Variants in GCN1 observed in about 807,000 individuals in gnomAD.
GCN1 encodes stalled ribosome sensor GCN1.
A neutral mutation model predicts 288.4 loss-of-function variants in GCN1; 90 were observed. The ratio of observed to expected loss-of-function variants is 0.31; its 90% CI spans 0.26 to 0.37. The LOEUF is 0.37. Among genes scored for constraint, GCN1 ranks in the 10% least tolerant of loss-of-function variants. GCN1 has a pLI of 1.00. For missense variants in GCN1, 2,586 were observed against 3,419.9 expected (o/e 0.76, Z 6.08); for synonymous variants, 1,386 against 1,420.2 (o/e 0.98, Z 0.54).
intron 15 of GCN1, among the ~76,000 whole-genome samples, chr12:120,169,899 G>A (rs879056687): frequency 2.0e-5 from 3 of 152,206 alleles, no homozygotes; most frequent in African/African-American, 7.2e-5. Context: ...GAAACAAACA[G>A]TCCCAATACT....
intron 1 of GCN1, among the ~76,000 whole-genome samples, chr12:120,194,321 G>C (rs1273981029): frequency 6.6e-6 from 1 of 152,274 alleles, no homozygotes; most frequent in East Asian, 1.9e-4. Context: ...TGAATACAAA[G>C]TTTAAGGAAG....
At chr12:120,175,367 C>G (rs1321017308) in intron 11 of GCN1, among the ~76,000 whole-genome samples, 155 bp from the exon 12 acceptor site, 1 of 152,146 alleles carries the variant, frequency 6.6e-6, no homozygotes, top group Non-Finnish European at 1.5e-5. Context: ...TTTTACTAGC[C>G]TTTTGCTTTC....
At chr12:120,186,374 C>CA (rs1018649165) in intron 2 of GCN1, among the ~76,000 whole-genome samples, 92 of 130,836 alleles carry the variant, frequency 7.0e-4, no homozygotes, top group East Asian at 1.1e-3. Context: ...GACTCCATCT[C>CA]AAAAAAAAAA....
intron 42 of GCN1, among the ~76,000 whole-genome samples, chr12:120,143,443 G>A (rs919389853): frequency 1.3e-4 from 20 of 152,136 alleles, no homozygotes; most frequent in African/African-American, 4.1e-4. Context: ...TTAGCCAGGC[G>A]TGCTGGCAGG....
chr12:120,161,799 G>T, intron 21 of GCN1, 81 bp downstream of exon 21: 2 of 1,353,490 alleles, frequency 1.5e-6, no homozygotes, highest in Non-Finnish European at 1.0e-6. Flanking sequence ...TCAACTCACA[G>T]GAGGCACTGG....
chr12:120,129,480 T>C lies in GCN1; in HGVS notation c.7686A>G (p.Pro2562=). ...SSLFVKCLQN[P]SSDIRLVAEK... is the part of the protein sequence containing the mutation. Reference sequence around the variant, plus strand: ...CAGCCACCAGCCTGATGTCGCTGGATGGGTTCTGCAGACACTGTAAAAAGA... The same window carrying C: ...CAGCCACCAGCCTGATGTCGCTGGACGGGTTCTGCAGACACTGTAAAAAGA... Residue 2562 remains proline (P), a synonymous_variant, in exon 57 of 58, where the codon CCA becomes CCG. Coordinates refer to ENST00000300648, the MANE Select transcript of GCN1 (RefSeq NM_006836.2). 1 of 1,613,340 alleles carries C rather than the reference T, an allele frequency of 6.2e-7. No homozygotes were observed. Among genetic ancestry groups the C allele is most frequent in the Middle Eastern group, 1.7e-4 (1 of 6,058 alleles).
chr12:120,136,844 T>C (rs1027859815), intron 50 of GCN1, 112 bp from the exon 51 acceptor site: 24 of 737,746 alleles, frequency 3.3e-5, no homozygotes, highest in Non-Finnish European at 5.3e-5. Flanking sequence ...CCATGGGAGA[T>C]ATTGATTTGG....
chr12:120,158,264 T>A lies in GCN1; in HGVS notation c.2905+196A>T, dbSNP rs1877816027. Among the ~76,000 whole-genome samples, 1 of 152,164 alleles carries A rather than the reference T, an allele frequency of 6.6e-6. No homozygotes were observed. Reference sequence around the variant, plus strand: ...CAGGATGTGAGAGTTAAAACAGAGATGGGGACACCAGTGACAAAAAGTAAA... The same window carrying A: ...CAGGATGTGAGAGTTAAAACAGAGAAGGGGACACCAGTGACAAAAAGTAAA... On this transcript the variant is annotated intron_variant, in intron 25 of 57. Coordinates refer to ENST00000300648, the MANE Select transcript of GCN1 (RefSeq NM_006836.2). The surrounding 1 kb of genome is among the most constrained non-coding windows in gnomAD (Gnocchi z 4.3).
At chr12:120,132,047 G>A (rs748012373) in intron 53 of GCN1, 25 bp from the exon 54 acceptor site, 2 of 1,452,818 alleles carry the variant, frequency 1.4e-6, no homozygotes, top group Non-Finnish European at 9.5e-7. Context: ...AAGGGAGTGA[G>A]GGGGTGCAGG....
intron 15 of GCN1, 178 bp from the exon 16 acceptor site, chr12:120,168,478 G>A (rs896023976): frequency 1.1e-5 from 6 of 554,864 alleles, no homozygotes; most frequent in South Asian, 2.1e-5. Context: ...CCTCCTGTAC[G>A]AAACTCTTCG....
chr12:120,142,519 T>C lies in GCN1; in HGVS notation c.5817A>G (p.Ala1939=), dbSNP rs7300790. The C allele has an allele frequency of 4.6e-3, 7,441 of 1,613,618 alleles. 250 individuals carry two copies. In the African/African-American group the frequency reaches 0.081, roughly 18 times the overall value. Residue 1939 remains alanine, a synonymous_variant, in exon 44 of 58, where the codon GCA becomes GCG. Transcript: ENST00000300648. The surrounding 1 kb of genome is among the most constrained non-coding windows in gnomAD (Gnocchi z 4.9). ...LLLGFLASTC[A]DKRTIAARTL... ...CCAGGAAACTCACCGTTCTCTTATC[T>C]GCACACGTGCTGGCCAGGAAACCCA...
chr12:120,155,010 G>A lies in GCN1; in HGVS notation c.3661C>T (p.Arg1221Ter), dbSNP rs1877693985. ...RPPPVLDALG[R>*]VISESPPDQW... ...TCTGGAGGAGATTCTGAAATAACTC[G>A]TCCCAAAGCATCCAGCACTGGGGGC... Residue 1221 changes from arginine to a stop codon, truncating the protein, a stop_gained, in exon 31 of 58, where the codon CGA becomes TGA. Coordinates refer to ENST00000300648, the MANE Select transcript of GCN1 (RefSeq NM_006836.2). LOFTEE classifies it high-confidence loss of function. This position sits in a 1 kb window ranked among gnomAD's most constrained non-coding sequence, Gnocchi z 4.9. The A allele has an allele frequency of 6.2e-7, 1 of 1,613,724 alleles. No individual in the cohort carries two copies. Among genetic ancestry groups the A allele is most frequent in the African/African-American group, 1.3e-5 (1 of 74,904 alleles).
intron 1 of GCN1, among the ~76,000 whole-genome samples, chr12:120,193,596 G>A (rs1879077715): frequency 6.6e-6 from 1 of 152,222 alleles, no homozygotes; most frequent in Non-Finnish European, 1.5e-5. Flanking sequence ...GAGCCACCAC[G>A]CCCAGCCAAA....
chr12:120,156,948 C>G lies in GCN1; in HGVS notation c.3132G>C (p.Leu1044=). The G allele has an allele frequency of 1.2e-6, 2 of 1,613,506 alleles. No homozygotes were observed. Among genetic ancestry groups the G allele is most frequent in the South Asian group, 1.1e-5 (1 of 91,048 alleles). ...LLPRVAMLRL[L]TWVIGTGSPR... is the part of the protein sequence containing the mutation. ...GCGAGCCCGTCCCGATCACCCAAGT[C>G]AGAAGACGCAGCATGGCCACGCGAG... The change falls in exon 27 of 58, where the codon CTG becomes CTC. Residue 1044 remains leucine, a synonymous_variant. Transcript: ENST00000300648. The surrounding 1 kb of genome is among the most constrained non-coding windows in gnomAD (Gnocchi z 5.8).
rs1040673742 is a variant in GCN1 at position 120,134,842 on chromosome 12, T to A, written c.7009-116A>T. On this transcript the variant is annotated intron_variant, in intron 51 of 57. Coordinates refer to ENST00000300648, the MANE Select transcript of GCN1 (RefSeq NM_006836.2). This position sits in a 1 kb window ranked among gnomAD's most constrained non-coding sequence, Gnocchi z 5.0. Reference sequence around the variant, plus strand: ...ACCACCACAGCGAGTCCAGCTCTCATACAGGGCTGGGGACAGATAGCCCGT... The same window carrying A: ...ACCACCACAGCGAGTCCAGCTCTCAAACAGGGCTGGGGACAGATAGCCCGT... The A allele has an allele frequency of 5.8e-6, 5 of 868,134 alleles. No individual in the cohort carries two copies. Among genetic ancestry groups the A allele is most frequent in the Non-Finnish European group, 9.3e-6 (5 of 540,162 alleles). The allele number at this position is 868,134 out of a possible 1,614,324, so 53.8% of individuals were successfully genotyped here.
At position 120,158,118 on chromosome 12, in the gene GCN1, G is replaced by C; in HGVS notation, c.2906-88C>G. 1.5e-6 allele frequency: 2 copies of C among 1,339,154 alleles called. No homozygotes were observed. Among genetic ancestry groups the C allele is most frequent in the Non-Finnish European group, 2.1e-6 (2 of 957,544 alleles). 83.0% of individuals were successfully genotyped at this position (1,339,154 alleles called of 1,614,324 possible). On this transcript the variant is annotated intron_variant, in intron 25 of 57. Transcript: ENST00000300648. The surrounding 1 kb of genome is among the most constrained non-coding windows in gnomAD (Gnocchi z 4.3). ...TATTTCTATCCTCAGGGAAAGTAGGGAACGGATGGACCAGAGGCCCGTTCT... is the reference window on the plus strand; with the variant it reads ...TATTTCTATCCTCAGGGAAAGTAGGCAACGGATGGACCAGAGGCCCGTTCT...
intron 44 of GCN1, among the ~76,000 whole-genome samples, chr12:120,141,876 CCA>C: frequency 6.6e-6 from 1 of 152,260 alleles, no homozygotes; most frequent in South Asian, 2.1e-4. Flanking sequence ...GCAGCACTGG[CCA>C]CAGTCGCATT....
chr12:120,183,476 A>C (rs1878728993), intron 5 of GCN1, 93 bp downstream of exon 5: 1 of 824,670 alleles, frequency 1.2e-6, no homozygotes, highest in Non-Finnish European at 2.1e-6. Context: ...CCCAGCACCC[A>C]GAAAAGCACT....
chr12:120,153,260 G>A lies in GCN1; in HGVS notation c.4015C>T (p.Pro1339Ser). The change falls in exon 33 of 58, where the codon CCC becomes TCC. Residue 1339 changes from proline (P) to serine (S), a missense_variant. Pro to Ser is a moderately conservative substitution (Grantham distance 74). Coordinates refer to ENST00000300648, the MANE Select transcript of GCN1 (RefSeq NM_006836.2). The surrounding 1 kb of genome is among the most constrained non-coding windows in gnomAD (Gnocchi z 4.4). ...HLDKSDPKVK[P>S]IVAKLIAALS... The stretch of plus-strand genomic sequence containing the variant: ...GCAGCGATGAGCTTGGCAACAATGG[G>A]CTTCACTTTGGGGTCACTCTTGTCC... The A allele has an allele frequency of 1.2e-6, 2 of 1,614,212 alleles. No homozygotes were observed. The highest frequency in any genetic ancestry group is 1.7e-6 in the Non-Finnish European group (2 of 1,180,040).
Sources: allele counts gnomAD v4.1 joint callset (sites outside exome capture counted in the v4.1 genomes callset), GRCh38; gene constraint gnomAD v4.1.1; non-coding constraint Gnocchi (gnomAD v3.1); transcripts MANE v1.5; gene names NCBI Gene and HGNC (gene_info 2026-07-23, HGNC 2026-07-21).